The following SLC8A1 variants were observed in gnomAD, a reference collection of about 807,000 sequenced individuals.
SLC8A1 encodes the protein sodium/calcium exchanger 1.
SLC8A1 carries 18 observed loss-of-function variants against 68.3 expected under a neutral mutation model. That is an observed-to-expected ratio of 0.26 (90% CI 0.18 to 0.39). The LOEUF (loss-of-function observed/expected upper bound fraction) is 0.39. Among genes scored for constraint, SLC8A1 ranks in the 10% least tolerant of loss-of-function variants. The probability of loss-of-function intolerance (pLI) is 1.00; values close to 1 mark genes in which losing one functional copy is unlikely to be tolerated. For missense variants in SLC8A1, 985 were observed against 1,156.7 expected, an observed-to-expected ratio of 0.85 and a Z score of 2.15; for synonymous variants, 475 against 415.5, an observed-to-expected ratio of 1.14 and a Z score of -1.74.
At chr2:40,357,099 AAG>A (rs1672908489) in intron 2 of SLC8A1, among the ~76,000 whole-genome samples, 1 of 152,196 alleles carries the variant, frequency 6.6e-6, no homozygotes, top group Admixed American at 6.5e-5. Flanking sequence ...AGGCACATGA[AAG>A]AGAGTTCCAG....
At chr2:40,389,113 A>C (rs1684501862) in intron 2 of SLC8A1, among the ~76,000 whole-genome samples, 1 of 152,102 alleles carries the variant, frequency 6.6e-6, no homozygotes, top group Non-Finnish European at 1.5e-5. Context: ...GTGTGTGTAA[A>C]TAAAGTTCAC....
intron 1 of SLC8A1, among the ~76,000 whole-genome samples, chr2:40,475,681 T>C (rs922029128): frequency 6.6e-6 from 1 of 152,108 alleles, no homozygotes; most frequent in African/African-American, 2.4e-5. Context: ...AATATATAAA[T>C]ACATAAATAC....
chr2:40,458,693 A>T (rs746475995), intron 1 of SLC8A1, among the ~76,000 whole-genome samples: 9 of 152,092 alleles, frequency 5.9e-5, no homozygotes, highest in Non-Finnish European at 1.2e-4. Flanking sequence ...AATCTGACCG[A>T]GCCTCAGGCT....
At chr2:40,278,269 G>C (rs1023624312) in intron 2 of SLC8A1, among the ~76,000 whole-genome samples, 2 of 152,094 alleles carry the variant, frequency 1.3e-5, no homozygotes, top group Non-Finnish European at 2.9e-5. Context: ...AAGAGATAGA[G>C]ACCATCCTGG....
intron 2 of SLC8A1, among the ~76,000 whole-genome samples, chr2:40,226,601 C>G (rs2059009268): frequency 6.6e-6 from 1 of 152,100 alleles, no homozygotes; most frequent in African/African-American, 2.4e-5. Context: ...CACCTTGCTT[C>G]CCTCCACTCT....
chr2:40,128,813 G>A (rs2038714466), intron 7 of SLC8A1, among the ~76,000 whole-genome samples: 1 of 152,184 alleles, frequency 6.6e-6, no homozygotes, highest in African/African-American at 2.4e-5. Flanking sequence ...GAGATTCTGT[G>A]ATGAATAAAA....
At chr2:40,448,512 G>T (rs538234995) in intron 1 of SLC8A1, among the ~76,000 whole-genome samples, 1 of 152,128 alleles carries the variant, frequency 6.6e-6, no homozygotes, top group African/African-American at 2.4e-5. Context: ...AAATACCTTC[G>T]TTTAAAAAGA....
intron 1 of SLC8A1, 118 bp downstream of exon 1, chr2:40,451,786 A>ACACACACACACAC (rs1359361113): frequency 9.8e-6 from 1 of 101,874 alleles, no homozygotes; most frequent in East Asian, 2.7e-4. Flanking sequence ...CACACACACA[A>ACACACACACACAC]ATTTAGAAGC....
intron 2 of SLC8A1, chr2:40,251,105 G>A (rs1299712566): frequency 1.3e-5 from 2 of 152,012 alleles, no homozygotes; most frequent in Admixed American, 1.3e-4. Context: ...TGAAAATACT[G>A]GATTTCTGCA....
chr2:40,226,555 A>C (rs1012699388), intron 2 of SLC8A1, among the ~76,000 whole-genome samples: 1 of 152,150 alleles, frequency 6.6e-6, no homozygotes, highest in Non-Finnish European at 1.5e-5. Flanking sequence ...AGTCAACTAC[A>C]GTCACTCAGG....
intron 2 of SLC8A1, among the ~76,000 whole-genome samples, chr2:40,335,994 G>C (rs1454088213): frequency 6.6e-6 from 1 of 152,208 alleles, no homozygotes; most frequent in Non-Finnish European, 1.5e-5. Context: ...GGTAATGCTA[G>C]AGCTACACCT....
At chr2:40,381,344 C>G (rs1436837741) in intron 2 of SLC8A1, among the ~76,000 whole-genome samples, 1 of 152,052 alleles carries the variant, frequency 6.6e-6, no homozygotes, top group African/African-American at 2.4e-5. Flanking sequence ...CCACAACACT[C>G]CTTATATACT....
chr2:40,234,827 C>G (rs531960711), intron 2 of SLC8A1, among the ~76,000 whole-genome samples: 1 of 152,066 alleles, frequency 6.6e-6, no homozygotes, highest in Non-Finnish European at 1.5e-5. Context: ...TGAATTTTGT[C>G]AAAGGCTTTT....
rs977634220 is a variant in SLC8A1 at position 40,119,719 on chromosome 2, T to A, written c.2438-4090A>T. Among the ~76,000 whole-genome samples the A allele has an allele frequency of 2.0e-5, 3 of 152,242 alleles. No homozygotes were observed. In the South Asian group the frequency reaches 6.2e-4, roughly 31 times the overall value. On this transcript the variant is annotated intron_variant, in intron 7 of 7. Transcript: ENST00000406785. ...CACAAAATATGTTGATAATAACACATGTATTTTTTCCTTCATCTATGTCCC... is the reference window on the plus strand; with the variant it reads ...CACAAAATATGTTGATAATAACACAAGTATTTTTTCCTTCATCTATGTCCC...
intron 4 of SLC8A1, among the ~76,000 whole-genome samples, chr2:40,168,129 C>G (rs926897041): frequency 6.6e-6 from 1 of 152,106 alleles, no homozygotes; most frequent in Non-Finnish European, 1.5e-5. Flanking sequence ...TTTCCAGGAA[C>G]TTATGATGTA....
chr2:40,200,217 T>A (rs1347874466), intron 2 of SLC8A1, among the ~76,000 whole-genome samples: 342 of 7,958 alleles, frequency 0.043, 27 homozygotes, highest in South Asian at 0.1. Flanking sequence ...AATATATATA[T>A]ATTTTTTTAT....
intron 2 of SLC8A1, among the ~76,000 whole-genome samples, chr2:40,212,667 C>G (rs2056820976): frequency 6.6e-6 from 1 of 152,200 alleles, no homozygotes; most frequent in Non-Finnish European, 1.5e-5. Flanking sequence ...GCATTAGGAG[C>G]ACCTCAAAGA....
At chr2:40,135,278 C>G (rs1285265511) in intron 7 of SLC8A1, among the ~76,000 whole-genome samples, 1 of 152,126 alleles carries the variant, frequency 6.6e-6, no homozygotes, top group Non-Finnish European at 1.5e-5. Flanking sequence ...TGATTTACCG[C>G]TTAAGATGAT....
chr2:40,390,895 A>G (rs1685042926), intron 2 of SLC8A1, among the ~76,000 whole-genome samples: 1 of 152,174 alleles, frequency 6.6e-6, no homozygotes, highest in South Asian at 2.1e-4. Flanking sequence ...TGGCATTTCT[A>G]TTCTCAGGTA....
Sources: allele counts gnomAD v4.1 joint callset (sites outside exome capture counted in the v4.1 genomes callset), GRCh38; gene constraint gnomAD v4.1.1; transcripts MANE v1.5; gene names NCBI Gene and HGNC (gene_info 2026-07-23, HGNC 2026-07-21).